ACACA: variants seen among roughly 807,000 people sequenced by gnomAD.
The protein encoded by ACACA is acetyl-CoA carboxylase alpha.
A neutral mutation model predicts 296.1 loss-of-function variants in ACACA; 103 were observed. That is an observed-to-expected ratio of 0.35 (90% confidence interval 0.30 to 0.41). ACACA has a LOEUF of 0.41. Among genes scored for constraint, ACACA ranks in the 10% least tolerant of loss-of-function variants. The pLI is 1.00. For synonymous variants in ACACA, 953 were observed against 1,038.6 expected, an observed-to-expected ratio of 0.92 and a Z score of 1.58; for missense variants, 1,554 against 2,989.7, an observed-to-expected ratio of 0.52 and a Z score of 11.20.
chr17:37,339,245 T>C (rs2048277964), intron 2 of ACACA, among the ~76,000 whole-genome samples: 1 of 152,258 alleles, frequency 6.6e-6, no homozygotes, highest in Non-Finnish European at 1.5e-5. Context: ...GCAGTCTGAC[T>C]GAAGTTAGAT....
chr17:37,161,248 G>C (rs767892173), intron 42 of ACACA, among the ~76,000 whole-genome samples: 1 of 152,174 alleles, frequency 6.6e-6, no homozygotes, highest in African/African-American at 2.4e-5. Flanking sequence ...AGAGAGAAGG[G>C]AGAGGTGTCT....
chr17:37,330,507 A>C (rs2047826995), intron 2 of ACACA, 82 bp from the exon 3 acceptor site: 1 of 1,566,798 alleles, frequency 6.4e-7, no homozygotes, highest in Admixed American at 1.7e-5. Flanking sequence ...ATATCTAATA[A>C]ACCATAGCTG....
chr17:37,388,808 TG>T, intron 1 of ACACA: 2 of 1,612,710 alleles, frequency 1.2e-6, no homozygotes, highest in Non-Finnish European at 1.7e-6. Flanking sequence ...AGTTTGCTGT[TG>T]TATTGAATCC....
Position 37,252,088 on chromosome 17 carries a change from C to T in ACACA, c.1998G>A (p.Met666Ile), listed in dbSNP as rs755628890. 6.2e-7 allele frequency: 1 copy of T among 1,614,212 alleles called. No individual in the cohort carries two copies. The highest frequency in any genetic ancestry group is 1.1e-5 in the South Asian group (1 of 91,088). Residue 666 changes from methionine (M) to isoleucine (I), a missense_variant, in exon 16 of 56, where the codon ATG (methionine) becomes ATA (isoleucine). Coordinates refer to ENST00000616317, the MANE Select transcript of ACACA (RefSeq NM_198834.3). ...GGAGGGCACCACACACAACCCCCAACATGGTGTCAGGTCGCTCAGCCTGAA... is the reference window on the plus strand; with the variant it reads ...GGAGGGCACCACACACAACCCCCAATATGGTGTCAGGTCGCTCAGCCTGAA... ...EKVQAERPDT[M>I]LGVVCGALHV...
rs747744748 is a variant in ACACA at position 37,240,533 on chromosome 17, C to G, written c.3064G>C (p.Ala1022Pro). The G allele has an allele frequency of 1.2e-6, 2 of 1,613,618 alleles. No homozygotes were observed. The highest frequency in any genetic ancestry group is 3.3e-5 in the Admixed American group (2 of 59,998). Residue 1022 changes from alanine (A) to proline (P), a missense_variant, in exon 24 of 56, where the codon GCT becomes CCT. This residue lies in a region of ACACA where 316 missense variants were observed against 540.9 expected (regional missense o/e 0.58). Transcript: ENST00000616317. Reference sequence around the variant, plus strand: ...TGCCGGAGCAGATCCATCACCACAGCCTTCATGTGGCCTCGGATGCCACTT... The same window carrying G: ...TGCCGGAGCAGATCCATCACCACAGGCTTCATGTGGCCTCGGATGCCACTT... ...YRSGIRGHMK[A>P]VVMDLLRQYL...
At chr17:37,260,273 TATATATATATATATA>T in intron 11 of ACACA, among the ~76,000 whole-genome samples, 1 of 28,120 alleles carries the variant, frequency 3.6e-5, no homozygotes, top group Non-Finnish European at 5.8e-5. Context: ...TATATATATA[TATATATATATATATA>T]TATATATATT....
chr17:37,351,903 A>G (rs1023364469), intron 1 of ACACA, among the ~76,000 whole-genome samples: 8 of 149,698 alleles, frequency 5.3e-5, no homozygotes, highest in Middle Eastern at 3.2e-3. Flanking sequence ...AATGCTGTGT[A>G]AACACCAGGC....
intron 54 of ACACA, among the ~76,000 whole-genome samples, chr17:37,095,977 C>G (rs2072963038): frequency 6.6e-6 from 1 of 152,132 alleles, no homozygotes; most frequent in Non-Finnish European, 1.5e-5. Context: ...GGTTACTGCT[C>G]TAGGTCACGA....
At chr17:37,203,154 G>T (rs932028402) in intron 33 of ACACA, among the ~76,000 whole-genome samples, 13 of 151,754 alleles carry the variant, frequency 8.6e-5, no homozygotes, top group Admixed American at 5.9e-4. Flanking sequence ...TAGAGACGGG[G>T]TTTCACCATA....
Position 37,086,768 on chromosome 17 carries a change from C to T in ACACA, c.*548G>A, listed in dbSNP as rs982860655. On this transcript the variant is annotated 3_prime_UTR_variant, in exon 56 of 56. Transcript: ENST00000616317. ...TCTAATTTTTCTTCATAAAAGGTACCGTAGTGTGGTTAAACTGGGAATCAT... is the reference window on the plus strand; with the variant it reads ...TCTAATTTTTCTTCATAAAAGGTACTGTAGTGTGGTTAAACTGGGAATCAT... 11 of 168,282 alleles carry T rather than the reference C, an allele frequency of 6.5e-5. No homozygotes were observed. The highest frequency in any genetic ancestry group is 1.7e-4 in the Admixed American group (3 of 17,762). 10.4% of individuals were successfully genotyped at this position (168,282 alleles called of 1,614,324 possible).
chr17:37,184,721 C>A (rs977998734), intron 39 of ACACA, among the ~76,000 whole-genome samples: 2 of 151,722 alleles, frequency 1.3e-5, no homozygotes, highest in African/African-American at 4.8e-5. Flanking sequence ...TGGTGGTAGA[C>A]GCCTTTAGTC....
At chr17:37,154,807 C>T (rs1220001522) in intron 43 of ACACA, among the ~76,000 whole-genome samples, 1 of 152,174 alleles carries the variant, frequency 6.6e-6, no homozygotes, top group Non-Finnish European at 1.5e-5. Context: ...AAGCAATTAA[C>T]ATTCTTAAAA....
At chr17:37,373,851 GA>G (rs1320946261) in intron 1 of ACACA, among the ~76,000 whole-genome samples, 1 of 152,114 alleles carries the variant, frequency 6.6e-6, no homozygotes, top group African/African-American at 2.4e-5. Context: ...TCATGTTAAG[GA>G]AATAGTAAGC....
At chr17:37,237,980 C>T (rs1235266813) in intron 24 of ACACA, among the ~76,000 whole-genome samples, 1 of 152,088 alleles carries the variant, frequency 6.6e-6, no homozygotes, top group African/African-American at 2.4e-5. Flanking sequence ...AGGCTGGTCT[C>T]GAACTCCTGG....
At chr17:37,141,704 T>C (rs1420765611) in intron 45 of ACACA, among the ~76,000 whole-genome samples, 1 of 152,162 alleles carries the variant, frequency 6.6e-6, no homozygotes, top group East Asian at 1.9e-4. Flanking sequence ...TGTTTTTTTT[T>C]TTCTGAGATG....
intron 3 of ACACA, among the ~76,000 whole-genome samples, chr17:37,305,545 A>C (rs1009736937): frequency 2.0e-5 from 3 of 152,220 alleles, no homozygotes; most frequent in Admixed American, 2.0e-4. Context: ...AGGTTTTTCA[A>C]GTCTGCCCTA....
At position 37,300,455 on chromosome 17, in the gene ACACA, G is replaced by T. The variant is rs565621234; in HGVS notation, c.339-15485C>A. Among the ~76,000 whole-genome samples, 4 of 152,182 alleles carry T rather than the reference G, an allele frequency of 2.6e-5. No homozygotes were observed. The East Asian group carries it at 7.7e-4, about 29-fold the overall frequency. ...ACAACTTCCTGAGGCAAGTCCTCAG[G>T]ACTGTACACCAAATCTAACCTGAAT... On this transcript the variant is annotated intron_variant, in intron 3 of 55. Transcript: ENST00000616317.
chr17:37,320,515 A>G (rs1182026034), intron 3 of ACACA, among the ~76,000 whole-genome samples: 1 of 151,812 alleles, frequency 6.6e-6, no homozygotes, highest in Non-Finnish European at 1.5e-5. Flanking sequence ...CATCTCAAAA[A>G]AAAAAAAGCA....
At chr17:37,242,417 G>A in intron 22 of ACACA, among the ~76,000 whole-genome samples, 1 of 152,166 alleles carries the variant, frequency 6.6e-6, no homozygotes, top group East Asian at 1.9e-4. Context: ...AAGGTAGTAA[G>A]AATGTCTCTG....
Sources: gnomAD v4.1 joint callset for allele counts (sites outside exome capture counted in the v4.1 genomes callset) on GRCh38, gnomAD v4.1.1 for gene constraint, gnomAD v4.1.1 regional missense constraint, MANE v1.5 for transcripts, NCBI Gene and HGNC (gene_info 2026-07-23, HGNC 2026-07-21) for gene names.